Variants in GOLGB1 observed in about 807,000 individuals in gnomAD.
The protein encoded by GOLGB1 is golgin B1.
In GOLGB1, 174 loss-of-function variants were observed where a neutral mutation model predicts 336.9. The ratio of observed to expected loss-of-function variants is 0.52; its 90% confidence interval spans 0.46 to 0.59. The LOEUF is 0.59. Ranked by LOEUF, GOLGB1 falls within the 20% of genes least tolerant of loss-of-function variation. The pLI, the probability that GOLGB1 is intolerant of heterozygous loss-of-function variation, is 0.00. For synonymous variants in GOLGB1, 1,208 were observed against 1,289.2 expected, an observed-to-expected ratio of 0.94 and a Z score of 1.35; for missense variants, 3,331 against 3,645.3, an observed-to-expected ratio of 0.91 and a Z score of 2.22.
rs767829668 is a variant in GOLGB1 at position 121,719,744 on chromosome 3, G to C, written c.673C>G (p.Arg225Gly). Residue 225 changes from arginine to glycine, a missense_variant, in exon 7 of 22, where the codon CGA becomes GGA. Arg to Gly is a moderately radical substitution (Grantham distance 125). Transcript: ENST00000614479. ...AQLSSMQQVV[R>G]EKDARFETQV... ...GTTTCAAAGCGGGCATCTTTCTCTC[G>C]GACCACCTGCTGCATGGAACTCAAC... 1 of 1,605,878 alleles carries C rather than the reference G, an allele frequency of 6.2e-7. No homozygotes were observed.
In GOLGB1 at chr3:121,729,850, T is replaced by A. The variant is rs780983481; in HGVS notation, c.249+15A>T. 4 of 1,591,402 alleles carry A rather than the reference T, an allele frequency of 2.5e-6. No homozygotes were observed. The East Asian group carries it at 6.7e-5, about 27-fold the overall frequency. ...TTATCAAATGCTCCACAAGAAAGGA[T>A]AAAAACAATAGTACCTGTAGAGCTT... On this transcript the variant is annotated intron_variant, in intron 3 of 21. Transcript: ENST00000614479.
In GOLGB1 at chr3:121,696,553, C is replaced by T; in HGVS notation, c.3970G>A (p.Val1324Ile). 4 of 1,614,166 alleles carry T rather than the reference C, an allele frequency of 2.5e-6. No homozygotes were observed. Among genetic ancestry groups the T allele is most frequent in the Non-Finnish European group, 3.4e-6 (4 of 1,180,016 alleles). Reference protein sequence around the residue: ...AQLKEIEAEKVELELKVSSTT... With the variant: ...AQLKEIEAEKIELELKVSSTT... ...GAACTAACTTTCAATTCTAACTCTA[C>T]TTTCTCAGCCTCTATTTCCTTCAGC... The change falls in exon 13 of 22, where the codon GTA becomes ATA. Residue 1324 changes from valine to isoleucine, a missense_variant. Coordinates refer to ENST00000614479, the MANE Select transcript of GOLGB1 (RefSeq NM_001366282.2).
chr3:121,731,781 AAAG>A (rs1262105941), intron 1 of GOLGB1, among the ~76,000 whole-genome samples: 1 of 152,208 alleles, frequency 6.6e-6, no homozygotes, highest in Admixed American at 6.5e-5. Flanking sequence ...AAAATTAGAA[AAAG>A]AAGAACAAAT....
At position 121,691,817 on chromosome 3, in the gene GOLGB1, T is replaced by C; in HGVS notation, c.7547A>G (p.Glu2516Gly). The C allele has an allele frequency of 6.2e-7, 1 of 1,613,818 alleles. No homozygotes were observed. Among genetic ancestry groups the C allele is most frequent in the Non-Finnish European group, 8.5e-7 (1 of 1,179,888 alleles). The change falls in exon 14 of 22, where the codon GAA becomes GGA. Residue 2516 changes from glutamate (E) to glycine (G), a missense_variant. By Grantham distance (98) the Glu-to-Gly change is moderately conservative. Transcript: ENST00000614479. The part of the protein sequence containing the change: ...AAAENNKLKE[E>G]IRGLRSHMDD... ...CATATGACTTCTCAAGCCTCGTATT[T>C]CTTCTTTAAGCTTATTATTCTCTGC...
At position 121,691,250 on chromosome 3, in the gene GOLGB1, G is replaced by A; in HGVS notation, c.8114C>T (p.Thr2705Ile). The A allele has an allele frequency of 6.2e-7, 1 of 1,613,892 alleles. No homozygotes were observed. Among genetic ancestry groups the A allele is most frequent in the Non-Finnish European group, 8.5e-7 (1 of 1,179,984 alleles). ...TAGCTCTGCCACTCTCTCTTCTGCT[G>A]TTTCAGTTTCATTTCTCATTATCCC... ...DAGIMRNETE[T>I]AEERVAELAR... Residue 2705 changes from threonine to isoleucine, a missense_variant, in exon 14 of 22, where the codon ACA (threonine) becomes ATA (isoleucine). Transcript: ENST00000614479.
Position 121,694,313 on chromosome 3 carries a change from T to C in GOLGB1, c.6210A>G (p.Gln2070=). 1.9e-6 allele frequency: 3 copies of C among 1,610,992 alleles called. No homozygotes were observed. The highest frequency in any genetic ancestry group is 2.2e-5 in the South Asian group (2 of 90,772). The change falls in exon 13 of 22, where the codon CAA becomes CAG. Residue 2070 remains glutamine, a synonymous_variant. Coordinates refer to ENST00000614479, the MANE Select transcript of GOLGB1 (RefSeq NM_001366282.2). ...DLEITKENLA[Q]AVEHRKKAQA... The stretch of plus-strand genomic sequence containing the variant: ...GTGCCTTTTTGCGGTGTTCAACTGC[T>C]TGAGCCAGATTTTCTTTGGTTATTT...
At chr3:121,748,039 T>C (rs1947489428) in intron 1 of GOLGB1, among the ~76,000 whole-genome samples, 1 of 151,290 alleles carries the variant, frequency 6.6e-6, no homozygotes, top group Admixed American at 6.6e-5. Context: ...ATCCCTTTAA[T>C]TAATCCATTA....
At chr3:121,716,604 G>A (rs1235334139) in intron 9 of GOLGB1, 133 bp downstream of exon 9, 1 of 663,512 alleles carries the variant, frequency 1.5e-6, no homozygotes. Flanking sequence ...AAGTTCAGAA[G>A]AGCTGTTTTT....
chr3:121,730,096 T>C lies in GOLGB1; in HGVS notation c.97-79A>G, dbSNP rs898559116. ...AACAGGAGTTTCTTCATTCCAACTT[T>C]TTATGTTTTGCCCAATTCATATTCT... On this transcript the variant is annotated intron_variant, in intron 2 of 21. Coordinates refer to ENST00000614479, the MANE Select transcript of GOLGB1 (RefSeq NM_001366282.2). 1.6e-5 allele frequency: 15 copies of C among 940,956 alleles called. No individual in the cohort carries two copies. In the South Asian group the frequency reaches 1.9e-4, roughly 12 times the overall value. The allele number at this position is 940,956 out of a possible 1,614,324, so 58.3% of individuals were successfully genotyped here.
chr3:121,698,444 C>A lies in GOLGB1; in HGVS notation c.2079G>T (p.Arg693Ser). The change falls in exon 13 of 22, where the codon AGG becomes AGT. Residue 693 changes from arginine to serine, a missense_variant. Transcript: ENST00000614479. ...CGAGCTCCAAAATTTGACTTTTTAA[C>A]CTTTCCAACTCATCCTGATGACACT... ...IGQCHQDELE[R>S]LKSQILELEL... The A allele has an allele frequency of 6.2e-7, 1 of 1,613,928 alleles. No individual in the cohort carries two copies. The highest frequency in any genetic ancestry group is 8.5e-7 in the Non-Finnish European group (1 of 1,179,900).
rs1316233588 is a variant in GOLGB1, at chr3:121,694,454, T to C, written c.6069A>G (p.Gln2023=). 1 of 1,613,014 alleles carries C rather than the reference T, an allele frequency of 6.2e-7. No homozygotes were observed. The highest frequency in any genetic ancestry group is 8.5e-7 in the Non-Finnish European group (1 of 1,179,858). The change falls in exon 13 of 22, where the codon CAA becomes CAG. Residue 2023 remains glutamine, a synonymous_variant. Transcript: ENST00000614479. ...CCTTCTGTAGCTGCTTTACTTCTTG[T>C]TGTTTTTCTTTTAACAGTTCCTGAA... ...KELQELLKEK[Q]QEVKQLQKDC... is the part of the protein sequence containing the mutation.
Position 121,694,420 on chromosome 3 carries a change from T to C in GOLGB1, c.6103A>G (p.Arg2035Gly). ...AGAGCACTAATTTTCTCTTGATACC[T>C]GATGCAGTCCTTCTGTAGCTGCTTT... ...EVKQLQKDCI[R>G]YQEKISALER... The change falls in exon 13 of 22, where the codon AGG becomes GGG. Residue 2035 changes from arginine to glycine, a missense_variant. Arg to Gly is a moderately radical substitution (Grantham distance 125). Coordinates refer to ENST00000614479, the MANE Select transcript of GOLGB1 (RefSeq NM_001366282.2). The C allele has an allele frequency of 6.2e-7, 1 of 1,613,154 alleles. No homozygotes were observed. Among genetic ancestry groups the C allele is most frequent in the Non-Finnish European group, 8.5e-7 (1 of 1,179,294 alleles).
chr3:121,697,205 C>T lies in GOLGB1; in HGVS notation c.3318G>A (p.Leu1106=), dbSNP rs1370818026. ...QALVKQMNQT[L]QDKTNQIDLL... ...AATCTATTTGGTTTGTTTTATCTTG[C>T]AAGGTCTGATTCATCTGTTTGACCA... Residue 1106 remains leucine, a synonymous_variant, in exon 13 of 22, where the codon TTG becomes TTA. Transcript: ENST00000614479. 2 of 1,614,110 alleles carry T rather than the reference C, an allele frequency of 1.2e-6. No homozygotes were observed. Among genetic ancestry groups the T allele is most frequent in the Non-Finnish European group, 8.5e-7 (1 of 1,179,986 alleles).
chr3:121,741,496 C>T (rs1433988182), intron 1 of GOLGB1, among the ~76,000 whole-genome samples: 2 of 152,104 alleles, frequency 1.3e-5, no homozygotes, highest in Non-Finnish European at 2.9e-5. Flanking sequence ...TGAACACACC[C>T]GATCTCGTCT....
rs1278564574 is a variant in GOLGB1 at position 121,663,427 on chromosome 3, G to T, written c.*1053C>A. 3 of 152,184 alleles carry T rather than the reference G, an allele frequency of 2.0e-5. No homozygotes were observed. Among genetic ancestry groups the T allele is most frequent in the Non-Finnish European group, 4.4e-5 (3 of 68,032 alleles). 9.4% of individuals were successfully genotyped at this position (152,184 alleles called of 1,614,324 possible). The stretch of plus-strand genomic sequence containing the variant: ...GGGGAGGCAGGGAATAGGCACAAAT[G>T]GAATTCTATCCTGGCTGTCCTTCTC... On this transcript the variant is annotated 3_prime_UTR_variant, in exon 22 of 22. Transcript: ENST00000614479.
rs772286785 is a variant in GOLGB1, at chr3:121,730,022, T to C, written c.97-5A>G. On this transcript the variant is annotated splice_region_variant and splice_polypyrimidine_tract_variant and intron_variant, in intron 2 of 21. Transcript: ENST00000614479. The stretch of plus-strand genomic sequence containing the variant: ...GTCAGATTCTTGGTGTAATTCCTAA[T>C]ATTTAGGAAAAAAGTTGCCAGTGCA... 5 of 1,600,398 alleles carry C rather than the reference T, an allele frequency of 3.1e-6. No individual in the cohort carries two copies. The highest frequency in any genetic ancestry group is 4.3e-6 in the Non-Finnish European group (5 of 1,173,374).
intron 14 of GOLGB1, among the ~76,000 whole-genome samples, chr3:121,688,943 G>C (rs1239641910): frequency 6.7e-6 from 1 of 149,952 alleles, no homozygotes; most frequent in Non-Finnish European, 1.5e-5. Context: ...GGAGCCCCTT[G>C]GCCTGGCAAC....
chr3:121,742,996 G>A (rs1290636251), intron 1 of GOLGB1, among the ~76,000 whole-genome samples: 4 of 152,152 alleles, frequency 2.6e-5, no homozygotes, highest in Admixed American at 1.3e-4. Context: ...GGAAAAATAG[G>A]AATGCTTTTA....
In GOLGB1 at chr3:121,664,346, C is replaced by T; in HGVS notation, c.*134G>A. On this transcript the variant is annotated 3_prime_UTR_variant, in exon 22 of 22. Coordinates refer to ENST00000614479, the MANE Select transcript of GOLGB1 (RefSeq NM_001366282.2). Reference sequence around the variant, plus strand: ...GTCCTCGTATCCACCTCTGTTTTTGCAGGCACTTTCCGTGAAGAGTTGGAG... The same window carrying T: ...GTCCTCGTATCCACCTCTGTTTTTGTAGGCACTTTCCGTGAAGAGTTGGAG... 1.2e-6 allele frequency: 1 copy of T among 808,572 alleles called. No homozygotes were observed. Among genetic ancestry groups the T allele is most frequent in the Non-Finnish European group, 2.1e-6 (1 of 484,762 alleles). The allele number at this position is 808,572 out of a possible 1,614,324, so 50.1% of individuals were successfully genotyped here. A position where few individuals can be genotyped will look rare whatever the true frequency, so the allele number is the denominator to read the frequency against.
Sources: allele counts gnomAD v4.1 joint callset (sites outside exome capture counted in the v4.1 genomes callset), GRCh38; gene constraint gnomAD v4.1.1; transcripts MANE v1.5; gene names NCBI Gene and HGNC (gene_info 2026-07-23, HGNC 2026-07-21).